CAMK2A: variants seen among roughly 807,000 people sequenced by gnomAD.
CAMK2A encodes the protein calcium/calmodulin-dependent protein kinase type II subunit alpha.
CAMK2A carries 7 observed loss-of-function variants against 79.2 expected under a neutral mutation model. The observed-to-expected ratio is 0.09, with a 90% CI of 0.05 to 0.17. The LOEUF (loss-of-function observed/expected upper bound fraction) is 0.17. Among genes scored for constraint, CAMK2A ranks in the 10% least tolerant of loss-of-function variants. CAMK2A has a pLI of 1.00. For synonymous variants in CAMK2A, 242 were observed against 251.7 expected, an observed-to-expected ratio of 0.96 and a Z score of 0.36; for missense variants, 214 against 646.4, an observed-to-expected ratio of 0.33 and a Z score of 7.25.
chr5:150,248,260 T>C (rs1328751619), intron 11 of CAMK2A, among the ~76,000 whole-genome samples: 1 of 151,478 alleles, frequency 6.6e-6, no homozygotes. Flanking sequence ...CATCCCTCCA[T>C]GGCCCCTGGG....
At position 150,221,964 on chromosome 5, in the gene CAMK2A, C is replaced by T. The variant is rs2114008600; in HGVS notation, c.*746G>A. ...GATACCTAAACGTTGCTTTCTTTTGCCCCCCAAAAACAATTAGATTCCCTC... is the reference window on the plus strand; with the variant it reads ...GATACCTAAACGTTGCTTTCTTTTGTCCCCCAAAAACAATTAGATTCCCTC... On this transcript the variant is annotated 3_prime_UTR_variant, in exon 19 of 19. Coordinates refer to ENST00000671881, the MANE Select transcript of CAMK2A (RefSeq NM_015981.4). 2 of 208,040 alleles carry T rather than the reference C, an allele frequency of 9.6e-6. No homozygotes were observed. Among genetic ancestry groups the T allele is most frequent in the South Asian group, 1.6e-4 (1 of 6,140 alleles). The allele number at this position is 208,040 out of a possible 1,614,324, so 12.9% of individuals were successfully genotyped here.
Position 150,256,173 on chromosome 5 carries a change from T to C in CAMK2A, c.411+400A>G, listed in dbSNP as rs916186676. On this transcript the variant is annotated intron_variant, in intron 6 of 18. Coordinates refer to ENST00000671881, the MANE Select transcript of CAMK2A (RefSeq NM_015981.4). The surrounding 1 kb of genome is among the most constrained non-coding windows in gnomAD (Gnocchi z 4.6). Reference sequence around the variant, plus strand: ...TATCCTCACCAACCCTTTGCAGAGGTTGCTATGGCAACCCCCATTGTGAAG... The same window carrying C: ...TATCCTCACCAACCCTTTGCAGAGGCTGCTATGGCAACCCCCATTGTGAAG... Among the ~76,000 whole-genome samples the C allele has an allele frequency of 6.6e-6, 1 of 152,054 alleles. No individual in the cohort carries two copies. Among genetic ancestry groups the C allele is most frequent in the African/African-American group, 2.4e-5 (1 of 41,384 alleles).
At chr5:150,252,119 T>C (rs1755863345) in intron 7 of CAMK2A, 54 bp from the exon 8 acceptor site, 2 of 1,336,978 alleles carry the variant, frequency 1.5e-6, no homozygotes, top group Admixed American at 1.8e-5. Flanking sequence ...GTCTCGTAAG[T>C]AACCTGGAGC....
At chr5:150,278,934 G>C (rs954639631) in intron 1 of CAMK2A, among the ~76,000 whole-genome samples, 4 of 152,138 alleles carry the variant, frequency 2.6e-5, no homozygotes, top group African/African-American at 9.7e-5. Context: ...GGGGTGTGTG[G>C]GGGGAGAGAC....
intron 1 of CAMK2A, among the ~76,000 whole-genome samples, chr5:150,276,631 C>T (rs1430431695): frequency 2.0e-5 from 3 of 152,096 alleles, no homozygotes; most frequent in African/African-American, 7.2e-5. Context: ...TTAAAGTGGC[C>T]ACATCTGGGC....
intron 13 of CAMK2A, 43 bp from the exon 14 acceptor site, chr5:150,239,779 C>A (rs372389374): frequency 6.3e-7 from 1 of 1,578,396 alleles, no homozygotes; most frequent in Admixed American, 1.7e-5. Context: ...AAAGACACAG[C>A]GTGAAAACGG....
chr5:150,267,641 C>T (rs964719730), intron 2 of CAMK2A, among the ~76,000 whole-genome samples: 2 of 152,164 alleles, frequency 1.3e-5, no homozygotes, highest in Non-Finnish European at 2.9e-5. Context: ...TTTCTGGTAA[C>T]TCTGTTTGCA....
At chr5:150,288,018 C>T (rs981739664) in intron 1 of CAMK2A, among the ~76,000 whole-genome samples, 1 of 151,814 alleles carries the variant, frequency 6.6e-6, no homozygotes, top group African/African-American at 2.4e-5. Context: ...CCACCTCCCA[C>T]ACATATGCAG....
chr5:150,227,650 G>A (rs2114020125), intron 17 of CAMK2A, among the ~76,000 whole-genome samples: 1 of 152,334 alleles, frequency 6.6e-6, no homozygotes, highest in East Asian at 1.9e-4. Context: ...GCAAAGGAGA[G>A]GCCCAGGAAG....
rs10038918 is a variant in CAMK2A, at chr5:150,220,513, G to A, written c.*2197C>T. ...CAAAGAACCCTTTTAACCAATGAGG[G>A]AACTGAGGCTGAAGAAGAGCTCAGA... On this transcript the variant is annotated 3_prime_UTR_variant, in exon 19 of 19. Coordinates refer to ENST00000671881, the MANE Select transcript of CAMK2A (RefSeq NM_015981.4). The A allele has an allele frequency of 0.066, 9,992 of 152,386 alleles. 814 individuals are homozygous for A. Among genetic ancestry groups the A allele is most frequent in the East Asian group, 0.21 (1,096 of 5,302 alleles). 9.4% of individuals were successfully genotyped at this position (152,386 alleles called of 1,614,324 possible).
intron 13 of CAMK2A, among the ~76,000 whole-genome samples, chr5:150,242,679 C>T (rs1182876081): frequency 1.3e-5 from 2 of 152,144 alleles, no homozygotes; most frequent in Admixed American, 6.5e-5. Flanking sequence ...CTGGGTCACC[C>T]AGGGGGAGAA....
In CAMK2A at chr5:150,232,598, C is replaced by T. The variant is rs183879235; in HGVS notation, c.1067-1218G>A. On this transcript the variant is annotated intron_variant, in intron 15 of 18. Coordinates refer to ENST00000671881, the MANE Select transcript of CAMK2A (RefSeq NM_015981.4). ...CCTCCTTCCACAGGCTTAAGCTTGG[C>T]TTTAAACCTGGCCAGCTCATTGGTC... is the stretch of plus-strand genomic sequence containing the variant. Among the ~76,000 whole-genome samples, 263 of 152,344 alleles carry T rather than the reference C, an allele frequency of 1.7e-3. 1 individual carries two copies. The highest frequency in any genetic ancestry group is 6.2e-3 in the African/African-American group (259 of 41,568).
chr5:150,283,665 G>A (rs1757306366), intron 1 of CAMK2A, among the ~76,000 whole-genome samples: 1 of 152,114 alleles, frequency 6.6e-6, no homozygotes, highest in Non-Finnish European at 1.5e-5. Context: ...CATGTGTGTG[G>A]CCAAAGCCCT....
chr5:150,236,693 C>T (rs1342290706), intron 15 of CAMK2A, among the ~76,000 whole-genome samples: 1 of 152,196 alleles, frequency 6.6e-6, no homozygotes, highest in African/African-American at 2.4e-5. Context: ...TATCACTGGG[C>T]AGCTAGCCTC....
chr5:150,253,387 T>C (rs1006304487), intron 7 of CAMK2A, 57 bp downstream of exon 7: 2 of 1,361,406 alleles, frequency 1.5e-6, no homozygotes, highest in East Asian at 4.6e-5. Context: ...CAGAGGCTTA[T>C]GTGTCAACAC....
chr5:150,278,137 T>C (rs138693420), intron 1 of CAMK2A, among the ~76,000 whole-genome samples: 2 of 152,202 alleles, frequency 1.3e-5, no homozygotes, highest in East Asian at 3.9e-4. Flanking sequence ...CTGGGTTTGT[T>C]GGGGAGATTA....
chr5:150,223,017 T>C lies in CAMK2A; in HGVS notation c.1438A>G (p.Arg480Gly). 2 of 1,614,180 alleles carry C rather than the reference T, an allele frequency of 1.2e-6. No individual in the cohort carries two copies. The highest frequency in any genetic ancestry group is 1.7e-6 in the Non-Finnish European group (2 of 1,179,996). The part of the protein sequence containing the change: ...DGKWQIVHFH[R>G]SGAPSVLPH ...GGCAGGACGGAGGGCGCCCCAGATC[T>C]GTGGAAGTGGACGATCTGCCATTTG... is the stretch of plus-strand genomic sequence containing the variant. Residue 480 changes from arginine to glycine, a missense_variant, in exon 18 of 19, where the codon AGA (arginine) becomes GGA (glycine). Physicochemically the swap from Arg to Gly is moderately radical, Grantham distance 125. Coordinates refer to ENST00000671881, the MANE Select transcript of CAMK2A (RefSeq NM_015981.4). The surrounding 1 kb of genome is among the most constrained non-coding windows in gnomAD (Gnocchi z 4.1).
At chr5:150,248,328 TTATATA>T (rs10535541) in intron 11 of CAMK2A, among the ~76,000 whole-genome samples, 1 of 143,808 alleles carries the variant, frequency 7.0e-6, no homozygotes, top group African/African-American at 2.6e-5. Context: ...GTTTTTTATT[TTATATA>T]TATATATATA....
At chr5:150,233,999 G>A (rs1339937486) in intron 15 of CAMK2A, among the ~76,000 whole-genome samples, 2 of 152,170 alleles carry the variant, frequency 1.3e-5, no homozygotes, top group Admixed American at 6.5e-5. Context: ...TTGTAGTGGA[G>A]ATGAGGTTTC....
Sources: gnomAD v4.1 joint callset for allele counts (sites outside exome capture counted in the v4.1 genomes callset) on GRCh38, gnomAD v4.1.1 for gene constraint, Gnocchi (gnomAD v3.1) non-coding constraint, MANE v1.5 for transcripts, NCBI Gene and HGNC (gene_info 2026-07-23, HGNC 2026-07-21) for gene names.